LEMD1: variants seen among roughly 807,000 people sequenced by gnomAD.
LEMD1 encodes the protein LEM domain containing 1.
Under a neutral mutation model 17.4 loss-of-function variants are expected in LEMD1, and 18 were observed. The observed-to-expected ratio is 1.04, with a 90% confidence interval of 0.72 to 1.54. The LOEUF is 1.54. Among genes scored for constraint, LEMD1 ranks in the 40% most tolerant of loss-of-function variants. The probability of loss-of-function intolerance (pLI) is 0.00; values close to 1 mark genes in which losing one functional copy is unlikely to be tolerated. For missense variants in LEMD1, 195 were observed against 210.4 expected (o/e 0.93, Z 0.45); for synonymous variants, 88 against 77.8 (o/e 1.13, Z -0.69).
At chr1:205,411,285 G>A (rs1348376071) in intron 4 of LEMD1, among the ~76,000 whole-genome samples, 1 of 151,024 alleles carries the variant, frequency 6.6e-6, no homozygotes, top group Non-Finnish European at 1.5e-5. Flanking sequence ...AAGAAAGAGA[G>A]GGCCAGGCGC....
chr1:205,408,203 C>T (rs545425667), intron 4 of LEMD1, among the ~76,000 whole-genome samples: 1 of 152,056 alleles, frequency 6.6e-6, no homozygotes, highest in Non-Finnish European at 1.5e-5. Flanking sequence ...ATTTCCTTAT[C>T]TGGAGGATCA....
intron 1 of LEMD1, among the ~76,000 whole-genome samples, chr1:205,429,861 A>C (rs1391303594): frequency 1.3e-5 from 2 of 151,620 alleles, no homozygotes; most frequent in Non-Finnish European, 2.9e-5. Flanking sequence ...TGCTGCTCTC[A>C]CTCCTCATCC....
At chr1:205,393,823 A>G (rs1215218041) in intron 4 of LEMD1, among the ~76,000 whole-genome samples, 1 of 151,092 alleles carries the variant, frequency 6.6e-6, no homozygotes, top group East Asian at 1.9e-4. Flanking sequence ...GAATTATTAT[A>G]TGACCCAGCA....
chr1:205,432,318 G>C (rs545548781), intron 1 of LEMD1, among the ~76,000 whole-genome samples: 1 of 152,216 alleles, frequency 6.6e-6, no homozygotes, highest in South Asian at 2.1e-4. Flanking sequence ...GTGTGCTCCC[G>C]GTCTCCCACC....
At chr1:205,406,590 T>A (rs1665122255) in intron 4 of LEMD1, among the ~76,000 whole-genome samples, 1 of 152,154 alleles carries the variant, frequency 6.6e-6, no homozygotes, top group South Asian at 2.1e-4. Flanking sequence ...AGTGGCCCGA[T>A]TTTCCAGGTG....
rs148387449 is a variant in LEMD1, at chr1:205,381,453, C to T, written c.*205G>A. The T allele has an allele frequency of 6.8e-6, 4 of 592,042 alleles. No individual in the cohort carries two copies. The East Asian group carries it at 1.1e-4, about 17-fold the overall frequency. The allele number at this position is 592,042 out of a possible 1,614,324, so 36.7% of individuals were successfully genotyped here. A position where few individuals can be genotyped will look rare whatever the true frequency, so the allele number is the denominator to read the frequency against. ...GACATGACTTGGGGGATTTCCTAAC[C>T]ATCATGCTCTTAACACAGGTGCCTG... On this transcript the variant is annotated 3_prime_UTR_variant, in exon 6 of 6. Coordinates refer to ENST00000367153, the MANE Select transcript of LEMD1 (RefSeq NM_001199050.2).
chr1:205,410,750 C>T (rs1282743877), intron 4 of LEMD1, among the ~76,000 whole-genome samples: 1 of 152,064 alleles, frequency 6.6e-6, no homozygotes, highest in East Asian at 1.9e-4. Flanking sequence ...CCTGTAGTCC[C>T]AGCTACTTGG....
intron 1 of LEMD1, among the ~76,000 whole-genome samples, chr1:205,440,000 G>A (rs1666266494): frequency 6.6e-6 from 1 of 152,100 alleles, no homozygotes. Context: ...GAAGGTCCTA[G>A]AGGTCCCCCC....
At chr1:205,400,909 A>G (rs1197440457) in intron 4 of LEMD1, among the ~76,000 whole-genome samples, 2 of 132,232 alleles carry the variant, frequency 1.5e-5, no homozygotes, top group Non-Finnish European at 3.1e-5. Context: ...ATGTGTTCTC[A>G]TTGTTCAATT....
intron 4 of LEMD1, among the ~76,000 whole-genome samples, chr1:205,396,964 T>C (rs2102372851): frequency 6.6e-6 from 1 of 152,328 alleles, no homozygotes; most frequent in South Asian, 2.1e-4. Flanking sequence ...TTTTAAAAGA[T>C]TTTCAGACAC....
chr1:205,387,730 T>C (rs552259145), intron 4 of LEMD1, among the ~76,000 whole-genome samples: 6 of 152,304 alleles, frequency 3.9e-5, no homozygotes, highest in Admixed American at 6.5e-5. Flanking sequence ...CCCTCTTTGC[T>C]ATACCTCGGC....
chr1:205,446,538 C>T (rs543384603), intron 1 of LEMD1, among the ~76,000 whole-genome samples: 25 of 152,370 alleles, frequency 1.6e-4, no homozygotes, highest in African/African-American at 6.0e-4. Context: ...CTGGGGACTA[C>T]CCGGGCAAAC....
chr1:205,410,490 G>A (rs944922233), intron 4 of LEMD1, among the ~76,000 whole-genome samples: 2 of 152,096 alleles, frequency 1.3e-5, no homozygotes, highest in East Asian at 1.9e-4. Flanking sequence ...AAGAGACAAC[G>A]TATATGGTAC....
chr1:205,416,720 G>A (rs995986742), intron 3 of LEMD1, among the ~76,000 whole-genome samples: 6 of 152,128 alleles, frequency 3.9e-5, no homozygotes, highest in Non-Finnish European at 7.3e-5. Context: ...TTTAAAATTG[G>A]GGGAACTGCT....
chr1:205,424,078 AG>A (rs1666026424), upstream of LEMD1, among the ~76,000 whole-genome samples: 1 of 152,216 alleles, frequency 6.6e-6, no homozygotes, highest in South Asian at 2.1e-4. Context: ...ATTCTTTGGA[AG>A]AATGCACAAT....
intron 4 of LEMD1, among the ~76,000 whole-genome samples, chr1:205,398,467 CAG>C (rs1664689415): frequency 6.6e-6 from 1 of 152,186 alleles, no homozygotes; most frequent in Non-Finnish European, 1.5e-5. Flanking sequence ...AATTGAGGCA[CAG>C]AGAGTTAAAA....
intron 4 of LEMD1, among the ~76,000 whole-genome samples, chr1:205,395,884 A>T (rs188113677): frequency 1.3e-5 from 2 of 152,364 alleles, no homozygotes; most frequent in East Asian, 3.9e-4. Context: ...ATGTGAAAAG[A>T]TGCCCAAACT....
intron 1 of LEMD1, among the ~76,000 whole-genome samples, chr1:205,445,321 T>C (rs1229843430): frequency 6.6e-6 from 1 of 152,162 alleles, no homozygotes; most frequent in Non-Finnish European, 1.5e-5. Context: ...GGGTGGGTGG[T>C]GGCACAAACT....
rs201265145 is a variant in LEMD1, at chr1:205,406,024, C to T, written c.270+10208G>A. Reference sequence around the variant, plus strand: ...CGGTGTCTGCAGAACCGCGGATTTTCGTGATCCACGAATGCTGCTGTCTGA... The same window carrying T: ...CGGTGTCTGCAGAACCGCGGATTTTTGTGATCCACGAATGCTGCTGTCTGA... On this transcript the variant is annotated intron_variant, in intron 4 of 5. Transcript: ENST00000367153. Among the ~76,000 whole-genome samples, 886 of 152,322 alleles carry T rather than the reference C, an allele frequency of 5.8e-3. 6 individuals carry two copies. In the East Asian group the frequency reaches 0.07, roughly 12 times the overall value.
Sources: allele counts gnomAD v4.1 joint callset (sites outside exome capture counted in the v4.1 genomes callset), GRCh38; gene constraint gnomAD v4.1.1; transcripts MANE v1.5; gene names NCBI Gene and HGNC (gene_info 2026-07-23, HGNC 2026-07-21).